GDAP1L1: variants seen among roughly 807,000 people sequenced by gnomAD.
The protein encoded by GDAP1L1 is ganglioside-induced differentiation-associated protein 1-like 1.
Under a neutral mutation model 37.1 loss-of-function variants are expected in GDAP1L1, and 21 were observed. That is an observed-to-expected ratio of 0.57 (90% CI 0.40 to 0.81). The LOEUF (loss-of-function observed/expected upper bound fraction) is 0.81. GDAP1L1 is among the 40% of genes least tolerant of loss of function. The pLI is 0.00. For missense variants in GDAP1L1, 362 were observed against 491.6 expected (o/e 0.74, Z 2.49); for synonymous variants, 193 against 209.1 (o/e 0.92, Z 0.67).
chr20:44,252,223 ACAACCCGGCCAG>A (rs2073458304), intron 1 of GDAP1L1, among the ~76,000 whole-genome samples: 1 of 152,264 alleles, frequency 6.6e-6, no homozygotes, highest in Non-Finnish European at 1.5e-5. Flanking sequence ...GATCCTGTGC[ACAACCCGGCCAG>A]GCGTGGTGGC....
rs2062629051 is a variant in GDAP1L1 at position 44,280,449 on chromosome 20, A to T, written c.*1149A>T. The T allele has an allele frequency of 6.5e-6, 1 of 152,776 alleles. No homozygotes were observed. The highest frequency in any genetic ancestry group is 1.5e-5 in the Non-Finnish European group (1 of 68,158). The allele number at this position is 152,776 out of a possible 1,614,324, so 9.5% of individuals were successfully genotyped here. A position where few individuals can be genotyped will look rare whatever the true frequency, so the allele number is the denominator to read the frequency against. ...AAGTGCTGGAGCCAGAAGGGTAGAG[A>T]TGTGAGGTTTCAGTCTCAGTTCTTC... is the stretch of plus-strand genomic sequence containing the variant. On this transcript the variant is annotated 3_prime_UTR_variant, in exon 6 of 6. Transcript: ENST00000342560.
At chr20:44,248,285 G>A (rs1384777219) in intron 1 of GDAP1L1, among the ~76,000 whole-genome samples, 3 of 152,168 alleles carry the variant, frequency 2.0e-5, no homozygotes, top group African/African-American at 4.8e-5. Context: ...CTCAGACAGG[G>A]GCGCCTCTAG....
intron 5 of GDAP1L1, chr20:44,265,615 C>T (rs1163513614): frequency 6.6e-6 from 3 of 456,260 alleles, no homozygotes; most frequent in Admixed American, 1.3e-4. Flanking sequence ...CCTCAGTTTC[C>T]TCATCTATAA....
chr20:44,255,769 T>G (rs1300610388), intron 1 of GDAP1L1, among the ~76,000 whole-genome samples: 1 of 151,988 alleles, frequency 6.6e-6, no homozygotes, highest in Non-Finnish European at 1.5e-5. Flanking sequence ...GGGGATACCC[T>G]CCCTCTCCCC....
intron 4 of GDAP1L1, 37 bp downstream of exon 4, chr20:44,263,364 C>G (rs373597870): frequency 7.5e-7 from 1 of 1,338,320 alleles, no homozygotes; most frequent in South Asian, 1.2e-5. Context: ...CCCTTCCCTA[C>G]GAGCTCTTCC....
chr20:44,276,420 G>GAAAGAAAGAAAT (rs2062577874), intron 5 of GDAP1L1, among the ~76,000 whole-genome samples: 2 of 129,790 alleles, frequency 1.5e-5, no homozygotes, highest in African/African-American at 5.8e-5. Context: ...GAAAAAGAAA[G>GAAAGAAAGAAAT]AAAGAAAGAA....
chr20:44,248,242 C>T (rs1440849388), intron 1 of GDAP1L1, among the ~76,000 whole-genome samples: 2 of 152,226 alleles, frequency 1.3e-5, no homozygotes, highest in East Asian at 1.9e-4. Context: ...TCAGGGTTCC[C>T]GCTTCCTGGG....
chr20:44,248,564 G>A (rs2073379566), intron 1 of GDAP1L1, among the ~76,000 whole-genome samples: 1 of 152,264 alleles, frequency 6.6e-6, no homozygotes, highest in African/African-American at 2.4e-5. Flanking sequence ...AAGCGGGATA[G>A]TGATACAACA....
At chr20:44,257,399 T>TC in intron 2 of GDAP1L1, 54 bp downstream of exon 2, 1 of 1,531,266 alleles carries the variant, frequency 6.5e-7, no homozygotes. Flanking sequence ...TCCTCAGGGG[T>TC]CCCCACAGGC....
At chr20:44,258,928 C>T (rs898025801) in intron 3 of GDAP1L1, among the ~76,000 whole-genome samples, 4 of 151,908 alleles carry the variant, frequency 2.6e-5, no homozygotes, top group African/African-American at 7.2e-5. Flanking sequence ...CTGCCAGTCT[C>T]GCTCCCATCC....
intron 1 of GDAP1L1, among the ~76,000 whole-genome samples, chr20:44,253,688 A>G (rs1162962905): frequency 2.0e-5 from 3 of 152,232 alleles, no homozygotes; most frequent in Non-Finnish European, 4.4e-5. Flanking sequence ...GAGATGGCAG[A>G]TGGCCTTGGT....
At chr20:44,276,405 A>G (rs2062575598) in intron 5 of GDAP1L1, among the ~76,000 whole-genome samples, 173 of 138,246 alleles carry the variant, frequency 1.3e-3, no homozygotes, top group African/African-American at 4.5e-3. Context: ...AAGGGAAAGA[A>G]AAAAGAAAAA....
intron 4 of GDAP1L1, 54 bp from the exon 5 acceptor site, chr20:44,264,391 A>G: frequency 7.1e-7 from 1 of 1,413,788 alleles, no homozygotes; most frequent in Non-Finnish European, 9.2e-7. Context: ...ATCCCTGAAC[A>G]TCCTGGCTCT....
intron 1 of GDAP1L1, among the ~76,000 whole-genome samples, chr20:44,256,805 A>G (rs1233131846): frequency 6.6e-6 from 1 of 152,140 alleles, no homozygotes; most frequent in African/African-American, 2.4e-5. Context: ...TACTGTTAAT[A>G]CTATCATTTT....
chr20:44,259,441 T>C (rs984946120), intron 3 of GDAP1L1, among the ~76,000 whole-genome samples: 1 of 151,864 alleles, frequency 6.6e-6, no homozygotes, highest in Non-Finnish European at 1.5e-5. Flanking sequence ...TGTTAGGTTG[T>C]AGAACTCAAC....
intron 5 of GDAP1L1, among the ~76,000 whole-genome samples, chr20:44,268,143 G>A (rs564062976): frequency 1.3e-5 from 2 of 152,372 alleles, no homozygotes; most frequent in South Asian, 2.1e-4. Flanking sequence ...AGTGTTGGAA[G>A]GGATTTTAAT....
At chr20:44,247,221 G>T, upstream of GDAP1L1, 3 of 1,056,262 alleles carry the variant, frequency 2.8e-6, no homozygotes, top group Non-Finnish European at 4.3e-6. Flanking sequence ...TGACATTCAC[G>T]GAGCGGGGAG....
chr20:44,251,578 C>A (rs2073444304), intron 1 of GDAP1L1, among the ~76,000 whole-genome samples: 1 of 152,228 alleles, frequency 6.6e-6, no homozygotes, highest in Non-Finnish European at 1.5e-5. Flanking sequence ...TGACCGTGTA[C>A]CGCCTCCCTT....
rs1313678888 is a variant in GDAP1L1 at position 44,279,654 on chromosome 20, C to T, written c.*354C>T. On this transcript the variant is annotated 3_prime_UTR_variant, in exon 6 of 6. Coordinates refer to ENST00000342560, the MANE Select transcript of GDAP1L1 (RefSeq NM_024034.6). Reference sequence around the variant, plus strand: ...CCAGGATGTTTCGTCCACCAGGGCCCAGATTCTGGGAGGTGCTGGGGACTC... The same window carrying T: ...CCAGGATGTTTCGTCCACCAGGGCCTAGATTCTGGGAGGTGCTGGGGACTC... The T allele has an allele frequency of 2.1e-6, 1 of 482,998 alleles. No homozygotes were observed. The highest frequency in any genetic ancestry group is 2.3e-5 in the Admixed American group (1 of 42,894). The allele number at this position is 482,998 out of a possible 1,614,324, so 29.9% of individuals were successfully genotyped here. A position where few individuals can be genotyped will look rare whatever the true frequency, so the allele number is the denominator to read the frequency against.
Sources: gnomAD v4.1 joint callset for allele counts (sites outside exome capture counted in the v4.1 genomes callset) on GRCh38, gnomAD v4.1.1 for gene constraint, MANE v1.5 for transcripts, NCBI Gene and HGNC (gene_info 2026-07-23, HGNC 2026-07-21) for gene names.